NLRC4: variants seen among roughly 807,000 people sequenced by gnomAD.
The protein encoded by NLRC4 is NLR family CARD domain containing 4.
Under a neutral mutation model 79.9 loss-of-function variants are expected in NLRC4, and 63 were observed. The ratio of observed to expected loss-of-function variants is 0.79; its 90% CI spans 0.64 to 0.97. The LOEUF (loss-of-function observed/expected upper bound fraction) is 0.97. Among genes scored for constraint, NLRC4 ranks in the 50% least tolerant of loss-of-function variants. The pLI is 0.00. For missense variants in NLRC4, 1,074 were observed against 1,215.2 expected (o/e 0.88, Z 1.73); for synonymous variants, 461 against 456.5 (o/e 1.01, Z -0.12).
At chr2:32,261,478 A>G (rs1469671676) in intron 1 of NLRC4, among the ~76,000 whole-genome samples, 1 of 148,564 alleles carries the variant, frequency 6.7e-6, no homozygotes, top group Non-Finnish European at 1.5e-5. Flanking sequence ...CACCCAGCTA[A>G]TTTTTGTATT....
intron 2 of NLRC4, among the ~76,000 whole-genome samples, chr2:32,254,682 G>T (rs1041191617): frequency 7.6e-5 from 11 of 144,022 alleles, no homozygotes; most frequent in African/African-American, 2.9e-4. Context: ...GCAATGGCGC[G>T]ATCTCAGCTC....
rs1455185320 is a variant in NLRC4, at chr2:32,249,836, A to C, written c.2028T>G (p.Asp676Glu). The C allele has an allele frequency of 6.2e-7, 1 of 1,614,206 alleles. No individual in the cohort carries two copies. The highest frequency in any genetic ancestry group is 1.1e-5 in the South Asian group (1 of 91,092). The part of the protein sequence containing the change: ...LRDFSKLNKQ[D>E]IRYLGKIFSS... ...TGAATATTTTCCCCAGATATCTGATATCTTGCTTATTCAACTTGCTGAAAT... is the reference window on the plus strand; with the variant it reads ...TGAATATTTTCCCCAGATATCTGATCTCTTGCTTATTCAACTTGCTGAAAT... The change falls in exon 4 of 9, where the codon GAT (aspartate) becomes GAG (glutamate). Residue 676 changes from aspartate (D) to glutamate (E), a missense_variant. Transcript: ENST00000402280.
At chr2:32,233,320 AATATATATATATATAT>A (rs1257781417) in intron 8 of NLRC4, among the ~76,000 whole-genome samples, 2 of 67,256 alleles carry the variant, frequency 3.0e-5, no homozygotes, top group South Asian at 5.6e-4. Context: ...AGAAATTTTA[AATATATATATATATAT>A]ATATATATAT....
intron 8 of NLRC4, among the ~76,000 whole-genome samples, chr2:32,227,189 G>C (rs932507066): frequency 5.9e-5 from 9 of 152,060 alleles, no homozygotes; most frequent in Admixed American, 3.3e-4. Flanking sequence ...AAAAGTAGGG[G>C]TCTGGGCCTG....
Position 32,224,484 on chromosome 2 carries a change from C to T in NLRC4, c.3064G>A (p.Val1022Ile), listed in dbSNP as rs772124793. The change falls in exon 9 of 9, where the codon GTA becomes ATA. Residue 1022 changes from valine to isoleucine, a missense_variant. Coordinates refer to ENST00000402280, the MANE Select transcript of NLRC4 (RefSeq NM_001199138.2). ...LSVITGAFKL[V>I]TA ...CGAGTACACTTTATTTAAGCAGTTA[C>T]TAGTTTAAAAGCACCTGTAATAACA... is the stretch of plus-strand genomic sequence containing the variant. The T allele has an allele frequency of 2.5e-6, 4 of 1,599,056 alleles. No individual in the cohort carries two copies. The highest frequency in any genetic ancestry group is 1.3e-5 in the African/African-American group (1 of 74,396).
At chr2:32,249,491 A>C in intron 4 of NLRC4, 116 bp downstream of exon 4, 1 of 872,534 alleles carries the variant, frequency 1.1e-6, no homozygotes, top group Non-Finnish European at 1.7e-6. Context: ...TGGGATGGCC[A>C]CCTTGCAGGC....
At position 32,249,752 on chromosome 2, in the gene NLRC4, G is replaced by T; in HGVS notation, c.2112C>A (p.Leu704=). The part of the protein sequence containing the change: ...IKRCAGVAGS[L]SLVLSTCKNI... ...TCTTACAGGTGCTGAGGACCAAACTGAGGCTTCCAGCCACACCAGCACATC... is the reference window on the plus strand; with the variant it reads ...TCTTACAGGTGCTGAGGACCAAACTTAGGCTTCCAGCCACACCAGCACATC... Residue 704 remains leucine, a synonymous_variant, in exon 4 of 9, where the codon CTC becomes CTA. Coordinates refer to ENST00000402280, the MANE Select transcript of NLRC4 (RefSeq NM_001199138.2). The T allele has an allele frequency of 6.2e-7, 1 of 1,614,142 alleles. No individual in the cohort carries two copies. Among genetic ancestry groups the T allele is most frequent in the South Asian group, 1.1e-5 (1 of 91,078 alleles).
At chr2:32,236,189 T>G (rs1196131254) in intron 7 of NLRC4, 58 bp downstream of exon 7, 4 of 1,070,152 alleles carry the variant, frequency 3.7e-6, no homozygotes, top group Non-Finnish European at 5.6e-6. Flanking sequence ...GGCTATGTAT[T>G]TCGACTACCC....
intron 8 of NLRC4, among the ~76,000 whole-genome samples, chr2:32,227,409 C>T (rs1467841129): frequency 1.3e-5 from 2 of 152,172 alleles, no homozygotes; most frequent in African/African-American, 4.8e-5. Context: ...ATGGCTTTCT[C>T]CCTGCTCTCT....
At chr2:32,230,369 G>C (rs770712149) in intron 8 of NLRC4, among the ~76,000 whole-genome samples, 2 of 152,088 alleles carry the variant, frequency 1.3e-5, no homozygotes, top group Non-Finnish European at 2.9e-5. Flanking sequence ...TGTCTCCCAG[G>C]CCGGAGTGCA....
At chr2:32,257,368 G>T (rs1009968554) in intron 1 of NLRC4, among the ~76,000 whole-genome samples, 33 of 152,328 alleles carry the variant, frequency 2.2e-4, no homozygotes, top group African/African-American at 7.7e-4. Flanking sequence ...AACACTTTGG[G>T]AGGCCGAGGC....
chr2:32,235,345 T>G, intron 8 of NLRC4, 56 bp downstream of exon 8: 1 of 1,356,192 alleles, frequency 7.4e-7, no homozygotes, highest in East Asian at 2.3e-5. Context: ...AAAGCCAACT[T>G]AAGAATTTTT....
chr2:32,264,726 T>C lies in NLRC4; in HGVS notation c.-119+12A>G, dbSNP rs1349910059. ...CAGACCTTAAAAATCCCATTCTCTC[T>C]ACCCACAGTACCTGGCTGAGCAATC... On this transcript the variant is annotated intron_variant, in intron 1 of 8. Transcript: ENST00000402280. 6.6e-6 allele frequency: 1 copy of C among 152,156 alleles called. No homozygotes were observed. The highest frequency in any genetic ancestry group is 1.5e-5 in the Non-Finnish European group (1 of 68,046). The allele number at this position is 152,156 out of a possible 1,614,324, so 9.4% of individuals were successfully genotyped here. A position where few individuals can be genotyped will look rare whatever the true frequency, so the allele number is the denominator to read the frequency against.
intron 8 of NLRC4, among the ~76,000 whole-genome samples, chr2:32,231,579 G>GGT (rs201297468): frequency 0.015 from 1,725 of 113,102 alleles, 137 homozygotes; most frequent in Non-Finnish European, 0.023. Context: ...TTTTGTGGGG[G>GGT]GGGGGTGGGG....
chr2:32,232,091 T>C (rs570267361), intron 8 of NLRC4, among the ~76,000 whole-genome samples: 2 of 152,174 alleles, frequency 1.3e-5, no homozygotes, highest in African/African-American at 2.4e-5. Context: ...TATGGATCTT[T>C]GGGGAGGAAT....
intron 5 of NLRC4, 95 bp from the exon 6 acceptor site, chr2:32,238,397 C>T (rs1686720593): frequency 7.5e-6 from 8 of 1,064,400 alleles, no homozygotes; most frequent in Non-Finnish European, 1.1e-5. Context: ...AATAATTGTG[C>T]AGAGACCTTG....
chr2:32,236,655 T>A (rs1482879657), intron 6 of NLRC4, among the ~76,000 whole-genome samples: 1 of 152,166 alleles, frequency 6.6e-6, no homozygotes, highest in East Asian at 1.9e-4. Context: ...TCTCTAAGCC[T>A]CAATGTCTTC....
chr2:32,234,161 C>T (rs190843313), intron 8 of NLRC4, among the ~76,000 whole-genome samples: 1 of 152,140 alleles, frequency 6.6e-6, no homozygotes, highest in East Asian at 1.9e-4. Flanking sequence ...GCAGGCGGAT[C>T]ACGAGGTCAA....
rs1422356932 is a variant in NLRC4, at chr2:32,250,526, G to A, written c.1338C>T (p.Phe446=). 1 of 1,614,172 alleles carries A rather than the reference G, an allele frequency of 6.2e-7. No individual in the cohort carries two copies. The highest frequency in any genetic ancestry group is 8.5e-7 in the Non-Finnish European group (1 of 1,180,030). ...GTCTTCGTCCTGCTGTGTACTCCTG[G>A]AATGACTTGTGAAAGAATTTATACT... The part of the protein sequence containing the change: ...KPKYKFFHKS[F]QEYTAGRRLS... The change falls in exon 4 of 9, where the codon TTC becomes TTT. Residue 446 remains phenylalanine, a synonymous_variant. Coordinates refer to ENST00000402280, the MANE Select transcript of NLRC4 (RefSeq NM_001199138.2). This position sits in a 1 kb window ranked among gnomAD's most constrained non-coding sequence, Gnocchi z 4.9.
Sources: allele counts gnomAD v4.1 joint callset (sites outside exome capture counted in the v4.1 genomes callset), GRCh38; gene constraint gnomAD v4.1.1; non-coding constraint Gnocchi (gnomAD v3.1); transcripts MANE v1.5; gene names NCBI Gene and HGNC (gene_info 2026-07-23, HGNC 2026-07-21).